Variants in ANKS1B observed in about 807,000 individuals in gnomAD.
ANKS1B encodes the protein ankyrin repeat and sterile alpha motif domain containing 1B, also known as ankyrin repeat and sterile alpha motif domain-containing protein 1B.
Under a neutral mutation model 148.3 loss-of-function variants are expected in ANKS1B, and 36 were observed. The ratio of observed to expected loss-of-function variants is 0.24; its 90% CI spans 0.19 to 0.32. The LOEUF (loss-of-function observed/expected upper bound fraction) is 0.32, where lower values mean the gene tolerates loss of function less well. Among genes scored for constraint, ANKS1B ranks in the 10% least tolerant of loss-of-function variants. The probability of loss-of-function intolerance (pLI) is 1.00; values close to 1 mark genes in which losing one functional copy is unlikely to be tolerated. For missense variants in ANKS1B, 1,157 were observed against 1,542.6 expected (o/e 0.75, Z 4.19); for synonymous variants, 542 against 560.8 (o/e 0.97, Z 0.47).
rs192417658 is a variant in ANKS1B at position 99,402,758 on chromosome 12, G to A, written c.1576-2947C>T. On this transcript the variant is annotated intron_variant, in intron 11 of 26. Coordinates refer to ENST00000683438, the MANE Select transcript of ANKS1B (RefSeq NM_001352186.2). ...AGGTTGATTCCATGTCTTTCATATT[G>A]TGAATAGTGCTGCAATGAACATACG... Among the ~76,000 whole-genome samples the A allele has an allele frequency of 6.2e-5, 9 of 146,136 alleles. 1 individual carries two copies. The highest frequency in any genetic ancestry group is 1.2e-4 in the Non-Finnish European group (8 of 66,146).
intron 12 of ANKS1B, among the ~76,000 whole-genome samples, chr12:99,346,833 G>A (rs931151140): frequency 2.6e-5 from 4 of 151,860 alleles, no homozygotes; most frequent in Admixed American, 6.6e-5. Context: ...CCTGTAAGAC[G>A]TGCCTGCTTC....
Position 99,779,936 on chromosome 12 carries a change from G to C in ANKS1B, c.782C>G (p.Thr261Ser). ...DANIKDSLGR[T>S]VLDILKEHPS... ...ATGTTCTTTCAGAATGTCCAAGACA[G>C]TTCTACCTAAGCTATCCTTTATGTT... The change falls in exon 6 of 27, where the codon ACT (threonine) becomes AGT (serine). Residue 261 changes from threonine to serine, a missense_variant. Transcript: ENST00000683438. 6.2e-7 allele frequency: 1 copy of C among 1,610,428 alleles called. No homozygotes were observed. The highest frequency in any genetic ancestry group is 8.5e-7 in the Non-Finnish European group (1 of 1,179,154).
chr12:99,780,978 T>C (rs1250819099), intron 5 of ANKS1B, among the ~76,000 whole-genome samples: 2 of 151,426 alleles, frequency 1.3e-5, no homozygotes, highest in Non-Finnish European at 2.9e-5. Flanking sequence ...TGTGGAAATA[T>C]ATATTGTAAG....
intron 14 of ANKS1B, among the ~76,000 whole-genome samples, chr12:99,177,632 G>A (rs753498529): frequency 6.6e-6 from 1 of 152,228 alleles, no homozygotes; most frequent in Non-Finnish European, 1.5e-5. Context: ...GCACATCCCA[G>A]CAGAGGTATT....
intron 15 of ANKS1B, among the ~76,000 whole-genome samples, chr12:99,145,428 A>C (rs1407922923): frequency 6.6e-6 from 1 of 152,084 alleles, no homozygotes; most frequent in African/African-American, 2.4e-5. Flanking sequence ...CAGTAGCGGA[A>C]GGCTCCCTGG....
chr12:99,338,746 C>T (rs369845108), intron 12 of ANKS1B, among the ~76,000 whole-genome samples: 2 of 152,142 alleles, frequency 1.3e-5, no homozygotes, highest in African/African-American at 4.8e-5. Context: ...GGTGATGAAT[C>T]TTGCCTGGAT....
At chr12:98,993,149 C>A (rs1260551069) in intron 17 of ANKS1B, among the ~76,000 whole-genome samples, 1 of 152,040 alleles carries the variant, frequency 6.6e-6, no homozygotes. Context: ...ATAGTTGATT[C>A]TTTTTTTAAA....
intron 9 of ANKS1B, among the ~76,000 whole-genome samples, chr12:99,567,990 T>C (rs1253417778): frequency 6.6e-6 from 1 of 152,186 alleles, no homozygotes; most frequent in Non-Finnish European, 1.5e-5. Context: ...AAGGACAATT[T>C]ATTATTTCAC....
At chr12:99,345,325 G>T (rs1242298958) in intron 12 of ANKS1B, among the ~76,000 whole-genome samples, 1 of 151,992 alleles carries the variant, frequency 6.6e-6, no homozygotes, top group African/African-American at 2.4e-5. Context: ...GAGAGAAAAT[G>T]TAGGGTCATT....
chr12:99,874,711 T>A (rs1316836248), intron 1 of ANKS1B, among the ~76,000 whole-genome samples: 1 of 152,354 alleles, frequency 6.6e-6, no homozygotes, highest in African/African-American at 2.4e-5. Context: ...GGACATATGC[T>A]GCTCCAGACA....
intron 9 of ANKS1B, among the ~76,000 whole-genome samples, chr12:99,563,765 T>C (rs1274153390): frequency 2.6e-5 from 4 of 152,160 alleles, no homozygotes; most frequent in Non-Finnish European, 5.9e-5. Flanking sequence ...TCATTACCTA[T>C]GAAGTGCAAT....
At chr12:98,997,271 A>T (rs2153345922) in intron 17 of ANKS1B, among the ~76,000 whole-genome samples, 2 of 152,358 alleles carry the variant, frequency 1.3e-5, no homozygotes, top group Middle Eastern at 6.8e-3. Flanking sequence ...AGAAGGCAGT[A>T]GGAACATAGC....
intron 20 of ANKS1B, among the ~76,000 whole-genome samples, chr12:98,805,893 A>G (rs190734635): frequency 6.6e-6 from 1 of 152,274 alleles, no homozygotes; most frequent in Admixed American, 6.5e-5. Context: ...TTTTTCCAAG[A>G]TGGAGTCTCC....
At chr12:99,600,036 T>A (rs990871763) in intron 9 of ANKS1B, among the ~76,000 whole-genome samples, 1 of 152,028 alleles carries the variant, frequency 6.6e-6, no homozygotes, top group Non-Finnish European at 1.5e-5. Flanking sequence ...CATGAATGTT[T>A]CAATTTGTTC....
chr12:99,648,379 G>A (rs533644132), intron 9 of ANKS1B: 1 of 1,614,174 alleles, frequency 6.2e-7, no homozygotes, highest in East Asian at 2.2e-5. Context: ...TGCCCGAATG[G>A]TAACAATGGG....
intron 9 of ANKS1B, among the ~76,000 whole-genome samples, chr12:99,585,340 G>T (rs2097621361): frequency 6.6e-6 from 1 of 152,180 alleles, no homozygotes; most frequent in African/African-American, 2.4e-5. Flanking sequence ...AGGGTACACT[G>T]ATGTAAGAGG....
At chr12:99,773,445 T>C (rs1028050172) in intron 7 of ANKS1B, among the ~76,000 whole-genome samples, 3 of 152,128 alleles carry the variant, frequency 2.0e-5, no homozygotes, top group Non-Finnish European at 4.4e-5. Flanking sequence ...ACAGAATTCA[T>C]TAGCAAATTT....
chr12:99,531,003 T>C (rs759325037), intron 9 of ANKS1B, among the ~76,000 whole-genome samples: 8 of 152,208 alleles, frequency 5.3e-5, no homozygotes, highest in Non-Finnish European at 1.0e-4. Context: ...CTCTGTCTTC[T>C]TGCTTATGTT....
At chr12:99,268,705 C>G (rs1421918576) in intron 12 of ANKS1B, among the ~76,000 whole-genome samples, 1 of 152,092 alleles carries the variant, frequency 6.6e-6, no homozygotes, top group Non-Finnish European at 1.5e-5. Context: ...CTTTTTTATT[C>G]TAAATTAAAA....
Sources: gnomAD v4.1 joint callset for allele counts (sites outside exome capture counted in the v4.1 genomes callset) on GRCh38, gnomAD v4.1.1 for gene constraint, MANE v1.5 for transcripts, NCBI Gene and HGNC (gene_info 2026-07-23, HGNC 2026-07-21) for gene names.